SPATA6: variants seen among roughly 807,000 people sequenced by gnomAD.
The protein encoded by SPATA6 is spermatogenesis-associated protein 6.
SPATA6 carries 56 observed loss-of-function variants against 65.3 expected under a neutral mutation model. That is an observed-to-expected ratio of 0.86 (90% CI 0.69 to 1.07). The LOEUF (loss-of-function observed/expected upper bound fraction) is 1.07, where lower values mean the gene tolerates loss of function less well. Among genes scored for constraint, SPATA6 ranks in the 50% least tolerant of loss-of-function variants. The pLI, the probability that SPATA6 is intolerant of heterozygous loss-of-function variation, is 0.00. For missense variants in SPATA6, 590 were observed against 594.8 expected (o/e 0.99, Z 0.08); for synonymous variants, 199 against 213.2 (o/e 0.93, Z 0.58).
chr1:48,425,436 T>C (rs1570534930), intron 3 of SPATA6, among the ~76,000 whole-genome samples: 2 of 152,296 alleles, frequency 1.3e-5, no homozygotes, highest in African/African-American at 4.8e-5. Flanking sequence ...CAAATGTCAA[T>C]AGTCATTGAA....
chr1:48,342,796 C>A (rs1439761983), intron 11 of SPATA6, among the ~76,000 whole-genome samples: 1 of 151,904 alleles, frequency 6.6e-6, no homozygotes, highest in African/African-American at 2.4e-5. Flanking sequence ...ACACATGGGT[C>A]CACTTTGTGA....
At chr1:48,433,689 TATAAAG>T (rs1016263946) in intron 3 of SPATA6, among the ~76,000 whole-genome samples, 3 of 152,184 alleles carry the variant, frequency 2.0e-5, no homozygotes, top group South Asian at 2.1e-4. Flanking sequence ...CTCCCCAAAC[TATAAAG>T]ATAAATTGGT....
intron 1 of SPATA6, among the ~76,000 whole-genome samples, chr1:48,458,744 T>C (rs1657191758): frequency 6.6e-6 from 1 of 152,176 alleles, no homozygotes; most frequent in South Asian, 2.1e-4. Flanking sequence ...TAGGCAAATC[T>C]ACAGATACGG....
intron 12 of SPATA6, among the ~76,000 whole-genome samples, chr1:48,299,901 A>G (rs1036795190): frequency 3.9e-5 from 6 of 152,166 alleles, no homozygotes; most frequent in Non-Finnish European, 8.8e-5. Flanking sequence ...ATTGCCCTCA[A>G]GGAGTAGAAA....
chr1:48,392,221 T>C (rs751379126), intron 8 of SPATA6, among the ~76,000 whole-genome samples: 4 of 152,096 alleles, frequency 2.6e-5, no homozygotes, highest in Non-Finnish European at 4.4e-5. Flanking sequence ...CGATCTTATA[T>C]AGAAATGAGA....
rs1164988281 is a variant in SPATA6, at chr1:48,399,650, C to G, written c.487-6G>C. On this transcript the variant is annotated splice_region_variant and splice_polypyrimidine_tract_variant and intron_variant, in intron 6 of 12. Transcript: ENST00000371847. Reference sequence around the variant, plus strand: ...AAATGGTAAATAAATTTATCCTAAACATAAAAAATAAAAATTAACTTGGTC... The same window carrying G: ...AAATGGTAAATAAATTTATCCTAAAGATAAAAAATAAAAATTAACTTGGTC... 6.4e-7 allele frequency: 1 copy of G among 1,551,876 alleles called. No homozygotes were observed. The highest frequency in any genetic ancestry group is 8.7e-7 in the Non-Finnish European group (1 of 1,152,552).
intron 11 of SPATA6, among the ~76,000 whole-genome samples, chr1:48,314,770 A>G (rs185589356): frequency 6.4e-4 from 98 of 152,312 alleles, no homozygotes; most frequent in Admixed American, 1.0e-3. Flanking sequence ...TTTTGAAAAG[A>G]TCAACAAAAT....
chr1:48,315,176 T>C (rs1310909705), intron 11 of SPATA6, among the ~76,000 whole-genome samples: 2 of 152,198 alleles, frequency 1.3e-5, no homozygotes, highest in African/African-American at 4.8e-5. Flanking sequence ...GAGGGAATCC[T>C]CCCTAACTCA....
At chr1:48,278,637 G>A in the SPATA6 span, among the ~76,000 whole-genome samples, 1 of 152,144 alleles carries the variant, frequency 6.6e-6, no homozygotes, top group Non-Finnish European at 1.5e-5. Flanking sequence ...AGAGGAAAAA[G>A]AACAAAAAGA....
the SPATA6 span, among the ~76,000 whole-genome samples, chr1:48,266,960 T>G: frequency 6.6e-6 from 1 of 152,200 alleles, no homozygotes; most frequent in African/African-American, 2.4e-5. Flanking sequence ...TGTTAAGTGA[T>G]AGATTCCTTT....
intron 1 of SPATA6, among the ~76,000 whole-genome samples, chr1:48,462,204 G>GAT: frequency 4.0e-5 from 6 of 151,734 alleles, no homozygotes; most frequent in African/African-American, 7.2e-5. Flanking sequence ...TGGGGTGGGG[G>GAT]GAGCGGGGAG....
the SPATA6 span, among the ~76,000 whole-genome samples, chr1:48,279,823 C>T: frequency 3.0e-4 from 46 of 152,238 alleles, no homozygotes; most frequent in East Asian, 2.5e-3. Context: ...AGCTCTGCAC[C>T]AAGTGGACCT....
At chr1:48,350,179 A>G (rs1646477323) in intron 11 of SPATA6, among the ~76,000 whole-genome samples, 2 of 151,626 alleles carry the variant, frequency 1.3e-5, no homozygotes, top group African/African-American at 4.8e-5. Flanking sequence ...CACTTCCATT[A>G]TGAGTTGAGC....
chr1:48,371,272 T>C (rs563185782), intron 9 of SPATA6, among the ~76,000 whole-genome samples: 1 of 68,298 alleles, frequency 1.5e-5, no homozygotes, highest in Admixed American at 1.5e-4. Flanking sequence ...TGTATCTATA[T>C]AGATAGATAG....
intron 11 of SPATA6, among the ~76,000 whole-genome samples, chr1:48,336,357 T>C (rs1005385338): frequency 6.6e-6 from 1 of 152,010 alleles, no homozygotes; most frequent in African/African-American, 2.4e-5. Context: ...CCATTCACAA[T>C]AGCAAAGACA....
chr1:48,399,109 C>G, intron 7 of SPATA6: 1 of 435,828 alleles, frequency 2.3e-6, no homozygotes, highest in South Asian at 4.9e-5. Flanking sequence ...GAAAGGAAAC[C>G]GGTACTGAGA....
chr1:48,471,211 G>A (rs1169412783), intron 1 of SPATA6, among the ~76,000 whole-genome samples: 1 of 152,216 alleles, frequency 6.6e-6, no homozygotes, highest in Non-Finnish European at 1.5e-5. Context: ...GGAGGATGGA[G>A]GAAAGCATCC....
Position 48,399,623 on chromosome 1 carries a change from C to T in SPATA6, c.508G>A (p.Ala170Thr). ...CTGCCATGTGATTTTTCAACTGGAG[C>T]CAAATGGTAAATAAATTTATCCTAA... ...HTQDKFIYHL[A>T]PVEKSHGRLQ... The change falls in exon 7 of 13, where the codon GCT (alanine) becomes ACT (threonine). Residue 170 changes from alanine to threonine, a missense_variant. By Grantham distance (58) the Ala-to-Thr change is moderately conservative. Coordinates refer to ENST00000371847, the MANE Select transcript of SPATA6 (RefSeq NM_019073.4). The T allele has an allele frequency of 6.3e-7, 1 of 1,585,600 alleles. No individual in the cohort carries two copies. The highest frequency in any genetic ancestry group is 8.6e-7 in the Non-Finnish European group (1 of 1,165,516).
intron 9 of SPATA6, among the ~76,000 whole-genome samples, chr1:48,362,898 A>G (rs1207405932): frequency 6.6e-6 from 1 of 152,184 alleles, no homozygotes; most frequent in African/African-American, 2.4e-5. Context: ...CAAGAATCTT[A>G]AATGCTGTAA....
Sources: gnomAD v4.1 joint callset for allele counts (sites outside exome capture counted in the v4.1 genomes callset) on GRCh38, gnomAD v4.1.1 for gene constraint, MANE v1.5 for transcripts, NCBI Gene and HGNC (gene_info 2026-07-23, HGNC 2026-07-21) for gene names.